PTDSS2: variants seen among roughly 807,000 people sequenced by gnomAD.
PTDSS2 encodes phosphatidylserine synthase 2, also known as PSS-2.
A neutral mutation model predicts 64.7 loss-of-function variants in PTDSS2; 41 were observed. The ratio of observed to expected loss-of-function variants is 0.63; its 90% CI spans 0.49 to 0.82. The LOEUF is 0.82. Among genes scored for constraint, PTDSS2 ranks in the 40% least tolerant of loss-of-function variants. PTDSS2 has a pLI of 0.00. For synonymous variants in PTDSS2, 297 were observed against 277.8 expected, an observed-to-expected ratio of 1.07 and a Z score of -0.69; for missense variants, 485 against 650.0, an observed-to-expected ratio of 0.75 and a Z score of 2.76.
rs1343389411 is a variant in PTDSS2 at position 470,472 on chromosome 11, C to G, written c.285-3423C>G. 6.6e-6 allele frequency among the ~76,000 whole-genome samples: 1 copy of G among 152,146 alleles called. No homozygotes were observed. The highest frequency in any genetic ancestry group is 2.4e-5 in the African/African-American group (1 of 41,426). On this transcript the variant is annotated intron_variant, in intron 2 of 11. Coordinates refer to ENST00000308020, the MANE Select transcript of PTDSS2 (RefSeq NM_030783.3). The surrounding 1 kb of genome is among the most constrained non-coding windows in gnomAD (Gnocchi z 5.3). ...AGAACGAGTAGATGCCATGTGGCTT[C>G]CAGGAAGAGATTGTTGGGGGCGGGG...
chr11:490,742 C>T lies in PTDSS2; in HGVS notation c.*160C>T. ...GCTGAAGGCGAGGGGTGGAGGAGGC[C>T]CCAGCACAGCCTCATCTCCATGTGT... On this transcript the variant is annotated 3_prime_UTR_variant, in exon 12 of 12. Coordinates refer to ENST00000308020, the MANE Select transcript of PTDSS2 (RefSeq NM_030783.3). The T allele has an allele frequency of 1.5e-6, 1 of 672,986 alleles. No homozygotes were observed. Among genetic ancestry groups the T allele is most frequent in the South Asian group, 1.9e-5 (1 of 52,090 alleles). The allele number at this position is 672,986 out of a possible 1,614,324, so 41.7% of individuals were successfully genotyped here.
At chr11:482,802 GGAGA>G (rs1848130762) in intron 4 of PTDSS2, among the ~76,000 whole-genome samples, 1 of 149,658 alleles carries the variant, frequency 6.7e-6, no homozygotes, top group African/African-American at 2.5e-5. Context: ...CCTACCGAGT[GGAGA>G]AGGTTCTGTG....
rs958726136 is a variant in PTDSS2, at chr11:450,380, C to A, written c.-76C>A. ...TTCCCAGCGCTCCTCGCGCTGTGTG[C>A]GGCGCGTCCTCTCGCCGGTGACCCG... On this transcript the variant is annotated 5_prime_UTR_variant, in exon 1 of 12. It introduces an in-frame stop codon into an upstream open reading frame of the 5' UTR. Coordinates refer to ENST00000308020, the MANE Select transcript of PTDSS2 (RefSeq NM_030783.3). The A allele has an allele frequency of 1.7e-6, 2 of 1,174,024 alleles. No homozygotes were observed. Among genetic ancestry groups the A allele is most frequent in the Non-Finnish European group, 2.1e-6 (2 of 939,426 alleles). The allele number at this position is 1,174,024 out of a possible 1,614,324, so 72.7% of individuals were successfully genotyped here. A position where few individuals can be genotyped will look rare whatever the true frequency, so the allele number is the denominator to read the frequency against.
At position 479,422 on chromosome 11, in the gene PTDSS2, CATTTAG is replaced by C; in HGVS notation, c.435+271_435+276del. On this transcript the variant is annotated intron_variant, in intron 4 of 11. Coordinates refer to ENST00000308020, the MANE Select transcript of PTDSS2 (RefSeq NM_030783.3). This position sits in a 1 kb window ranked among gnomAD's most constrained non-coding sequence, Gnocchi z 4.2. ...CTGCTGGTGGGGCGCTGACTGTGGC[CATTTAG>C]CAGGGCCACACTTAAGGAGGGCAGG... The C allele has an allele frequency of 1.8e-6, 1 of 549,846 alleles. No homozygotes were observed. The highest frequency in any genetic ancestry group is 3.3e-6 in the Non-Finnish European group (1 of 306,422). The allele number at this position is 549,846 out of a possible 1,614,324, so 34.1% of individuals were successfully genotyped here. A position where few individuals can be genotyped will look rare whatever the true frequency, so the allele number is the denominator to read the frequency against.
Position 460,260 on chromosome 11 carries a change from C to A in PTDSS2, c.256C>A (p.Pro86Thr). The change falls in exon 2 of 12, where the codon CCT becomes ACT. Residue 86 changes from proline to threonine, a missense_variant. Pro to Thr is a conservative substitution (Grantham distance 38, BLOSUM62 -1). This residue lies in a region of PTDSS2 where 251 missense variants were observed against 348.0 expected (regional missense o/e 0.72). Coordinates refer to ENST00000308020, the MANE Select transcript of PTDSS2 (RefSeq NM_030783.3). This position sits in a 1 kb window ranked among gnomAD's most constrained non-coding sequence, Gnocchi z 5.8. Reference protein sequence around the residue: ...LGYVTLLEETPQDTAYNTKRG... With the variant: ...LGYVTLLEETTQDTAYNTKRG... ...CTATGTGACGCTGCTGGAGGAAACA[C>A]CTCAGGACACGGCCTACAACACCAA... 1.2e-6 allele frequency: 2 copies of A among 1,614,172 alleles called. No individual in the cohort carries two copies. Among genetic ancestry groups the A allele is most frequent in the Non-Finnish European group, 1.7e-6 (2 of 1,179,986 alleles).
chr11:451,375 C>T (rs1177458825), intron 1 of PTDSS2: 19 of 447,074 alleles, frequency 4.2e-5, no homozygotes, highest in Non-Finnish European at 8.2e-5. Flanking sequence ...GCCGCTCCTA[C>T]TCCCGACAGC....
intron 1 of PTDSS2, among the ~76,000 whole-genome samples, chr11:451,865 G>A (rs924429291): frequency 3.9e-5 from 6 of 152,326 alleles, no homozygotes; most frequent in African/African-American, 1.4e-4. Flanking sequence ...TGCAGGGAGG[G>A]CATCCGAGCT....
In PTDSS2 at chr11:470,452, G is replaced by A. The variant is rs1050944066; in HGVS notation, c.285-3443G>A. On this transcript the variant is annotated intron_variant, in intron 2 of 11. Coordinates refer to ENST00000308020, the MANE Select transcript of PTDSS2 (RefSeq NM_030783.3). This position sits in a 1 kb window ranked among gnomAD's most constrained non-coding sequence, Gnocchi z 5.3. ...CTCGGGGAGCCTGAAGAGACAGAAC[G>A]AGTAGATGCCATGTGGCTTCCAGGA... 6.6e-6 allele frequency among the ~76,000 whole-genome samples: 1 copy of A among 152,184 alleles called. No homozygotes were observed. The highest frequency in any genetic ancestry group is 2.4e-5 in the African/African-American group (1 of 41,420).
chr11:484,872 G>A lies in PTDSS2; in HGVS notation c.436-2067G>A, dbSNP rs114307827. Among the ~76,000 whole-genome samples the A allele has an allele frequency of 6.9e-3, 1,006 of 145,042 alleles. 19 individuals carry two copies. The highest frequency in any genetic ancestry group is 0.024 in the African/African-American group (917 of 38,742). Reference sequence around the variant, plus strand: ...GCACGGGTGCGTGTGCTCACTGTGCGCAGGCGTCTGTAAACAGTGCACGGG... The same window carrying A: ...GCACGGGTGCGTGTGCTCACTGTGCACAGGCGTCTGTAAACAGTGCACGGG... On this transcript the variant is annotated intron_variant, in intron 4 of 11. Transcript: ENST00000308020.
At chr11:466,399 C>G (rs1564970047) in intron 2 of PTDSS2, among the ~76,000 whole-genome samples, 1 of 145,782 alleles carries the variant, frequency 6.9e-6, no homozygotes, top group Admixed American at 7.0e-5. Flanking sequence ...AAAACTGCCA[C>G]TCTTTTTTTT....
chr11:490,771 C>T lies in PTDSS2; in HGVS notation c.*189C>T, dbSNP rs1208409054. On this transcript the variant is annotated 3_prime_UTR_variant, in exon 12 of 12. Transcript: ENST00000308020. ...GCACAGCCTCATCTCCATGTGTACA[C>T]GTGTGTACGTGTGTATGCGTGTGTG... The T allele has an allele frequency of 6.7e-6, 4 of 597,010 alleles. No individual in the cohort carries two copies. The highest frequency in any genetic ancestry group is 1.2e-5 in the Non-Finnish European group (4 of 341,058). The allele number at this position is 597,010 out of a possible 1,614,324, so 37.0% of individuals were successfully genotyped here.
At position 489,876 on chromosome 11, in the gene PTDSS2, C is replaced by G; in HGVS notation, c.1116-7C>G. ...CCGGGACGCTGAACCCCCTGCTGCC[C>G]CTGCAGGAAGCCCCACAAGAAGCTG... On this transcript the variant is annotated splice_region_variant and splice_polypyrimidine_tract_variant and intron_variant, in intron 10 of 11. Coordinates refer to ENST00000308020, the MANE Select transcript of PTDSS2 (RefSeq NM_030783.3). 6.3e-7 allele frequency: 1 copy of G among 1,576,856 alleles called. No individual in the cohort carries two copies. The highest frequency in any genetic ancestry group is 8.6e-7 in the Non-Finnish European group (1 of 1,164,066).
chr11:489,777 G>A, intron 10 of PTDSS2, 44 bp downstream of exon 10: 1 of 1,585,102 alleles, frequency 6.3e-7, no homozygotes, highest in African/African-American at 1.3e-5. Flanking sequence ...CCGGGGGGCA[G>A]GGGCCGGAGG....
chr11:467,648 T>TCGGGAGGC (rs1298712310), intron 2 of PTDSS2, among the ~76,000 whole-genome samples: 1 of 151,058 alleles, frequency 6.6e-6, no homozygotes, highest in Non-Finnish European at 1.5e-5. Context: ...TCCCAGCTAC[T>TCGGGAGGC]CGGGAGGCCA....
chr11:475,483 CAT>C (rs1847758006), intron 3 of PTDSS2, among the ~76,000 whole-genome samples: 1 of 151,368 alleles, frequency 6.6e-6, no homozygotes, highest in South Asian at 2.1e-4. Flanking sequence ...GTGATACAGA[CAT>C]ATTCACGCGT....
Position 485,763 on chromosome 11 carries a change from G to A in PTDSS2, c.436-1176G>A, listed in dbSNP as rs1848337024. Among the ~76,000 whole-genome samples, 4 of 136,482 alleles carry A rather than the reference G, an allele frequency of 2.9e-5. No homozygotes were observed. In the South Asian group the frequency reaches 9.1e-4, roughly 31 times the overall value. The allele number at this position is 136,482 out of a possible 152,430, so 89.5% of individuals were successfully genotyped here. Reference sequence around the variant, plus strand: ...CACTGCGCAGGCGAGCGTAAACAGTGCACGGGCGCGCGTGTGCTCACCGTG... The same window carrying A: ...CACTGCGCAGGCGAGCGTAAACAGTACACGGGCGCGCGTGTGCTCACCGTG... On this transcript the variant is annotated intron_variant, in intron 4 of 11. Coordinates refer to ENST00000308020, the MANE Select transcript of PTDSS2 (RefSeq NM_030783.3).
chr11:465,333 G>A (rs995319018), intron 2 of PTDSS2, among the ~76,000 whole-genome samples: 4 of 152,150 alleles, frequency 2.6e-5, no homozygotes, highest in African/African-American at 9.7e-5. Flanking sequence ...TAGGACTACC[G>A]GTGTGCACCA....
At chr11:488,061 G>C (rs1173381748) in intron 6 of PTDSS2, 138 bp from the exon 7 acceptor site, 2 of 617,686 alleles carry the variant, frequency 3.2e-6, no homozygotes, top group Admixed American at 5.2e-5. Context: ...GGTGGGGGCT[G>C]CACGCACCCG....
At position 460,283 on chromosome 11, in the gene PTDSS2, C is replaced by T. The variant is rs1292807086; in HGVS notation, c.279C>T (p.Thr93=). 7.4e-6 allele frequency: 12 copies of T among 1,613,360 alleles called. No homozygotes were observed. The East Asian group carries it at 2.7e-4, about 36-fold the overall frequency. ...CACCTCAGGACACGGCCTACAACACCAAGAGGTAAGCTGCCCTCTTGTCCT... is the reference window on the plus strand; with the variant it reads ...CACCTCAGGACACGGCCTACAACACTAAGAGGTAAGCTGCCCTCTTGTCCT... ...EETPQDTAYN[T]KRGIVASILV... The change falls in exon 2 of 12, where the codon ACC becomes ACT. Residue 93 remains threonine, a synonymous_variant. Transcript: ENST00000308020. This position sits in a 1 kb window ranked among gnomAD's most constrained non-coding sequence, Gnocchi z 5.8.
Sources: gnomAD v4.1 joint callset for allele counts (sites outside exome capture counted in the v4.1 genomes callset) on GRCh38, gnomAD v4.1.1 for gene constraint, gnomAD v4.1.1 regional missense constraint, Gnocchi (gnomAD v3.1) non-coding constraint, MANE v1.5 for transcripts, NCBI Gene and HGNC (gene_info 2026-07-23, HGNC 2026-07-21) for gene names.